Variants in DUSP10 observed in about 807,000 individuals in gnomAD.
DUSP10 encodes dual specificity phosphatase 10.
DUSP10 carries 14 observed loss-of-function variants against 30.8 expected under a neutral mutation model. The observed-to-expected ratio is 0.46, with a 90% CI of 0.30 to 0.71. The LOEUF is 0.71. DUSP10 is among the 30% of genes least tolerant of loss of function. The pLI, the probability that DUSP10 is intolerant of heterozygous loss-of-function variation, is 0.08. For missense variants in DUSP10, 550 were observed against 619.4 expected, an observed-to-expected ratio of 0.89 and a Z score of 1.19; for synonymous variants, 254 against 250.4, an observed-to-expected ratio of 1.01 and a Z score of -0.14.
Position 221,742,031 on chromosome 1 carries a change from G to T in DUSP10, c.-94C>A, listed in dbSNP as rs1661970152. On this transcript the variant is annotated 5_prime_UTR_variant, in exon 1 of 4. Coordinates refer to ENST00000366899, the MANE Select transcript of DUSP10 (RefSeq NM_007207.6). ...CATCTGGCGCTCCTCTTCAGCTATG[G>T]ACTCGCACATTCAGCCCCCATTCAC... 1 of 152,280 alleles carries T rather than the reference G, an allele frequency of 6.6e-6. No individual in the cohort carries two copies. Among genetic ancestry groups the T allele is most frequent in the Non-Finnish European group, 1.5e-5 (1 of 68,122 alleles). 9.4% of individuals were successfully genotyped at this position (152,280 alleles called of 1,614,324 possible). A position where few individuals can be genotyped will look rare whatever the true frequency, so the allele number is the denominator to read the frequency against.
rs773437797 is a variant in DUSP10, at chr1:221,706,329, T to C, written c.949A>G (p.Ile317Val). The C allele has an allele frequency of 6.2e-6, 10 of 1,612,934 alleles. No homozygotes were observed. In the South Asian group the frequency reaches 7.7e-5, roughly 12 times the overall value. ...ATGGGGGTGAGCTCAGCGTTCTCGATGTCAGGGGTGGTGGGGATGGGCTGA... is the reference window on the plus strand; with the variant it reads ...ATGGGGGTGAGCTCAGCGTTCTCGACGTCAGGGGTGGTGGGGATGGGCTGA... ...LPQPIPTTPD[I>V]ENAELTPILP... Residue 317 changes from isoleucine to valine, a missense_variant, in exon 3 of 4, where the codon ATC becomes GTC. Transcript: ENST00000366899. The surrounding 1 kb of genome is among the most constrained non-coding windows in gnomAD (Gnocchi z 4.6).
intron 3 of DUSP10, among the ~76,000 whole-genome samples, chr1:221,704,396 G>A (rs910225086): frequency 1.3e-5 from 2 of 150,584 alleles, no homozygotes; most frequent in Non-Finnish European, 2.9e-5. Flanking sequence ...AATCCTCTTA[G>A]AACAAGTATA....
At chr1:221,731,762 C>T (rs1317277099) in intron 2 of DUSP10, among the ~76,000 whole-genome samples, 2 of 151,750 alleles carry the variant, frequency 1.3e-5, no homozygotes, top group African/African-American at 2.4e-5. Flanking sequence ...GTGTGCACCA[C>T]CATGCCCAGC....
rs537452836 is a variant in DUSP10 at position 221,706,719 on chromosome 1, C to T, written c.812-253G>A. Among the ~76,000 whole-genome samples the T allele has an allele frequency of 1.3e-5, 2 of 152,184 alleles. No individual in the cohort carries two copies. The highest frequency in any genetic ancestry group is 1.3e-4 in the Admixed American group (2 of 15,286). On this transcript the variant is annotated intron_variant, in intron 2 of 3. Coordinates refer to ENST00000366899, the MANE Select transcript of DUSP10 (RefSeq NM_007207.6). This position sits in a 1 kb window ranked among gnomAD's most constrained non-coding sequence, Gnocchi z 4.6. ...ACACTTTGGAAATGTGCTCTTTCTACAAATGAGGGCATGTTCCCCTAGCAA... is the reference window on the plus strand; with the variant it reads ...ACACTTTGGAAATGTGCTCTTTCTATAAATGAGGGCATGTTCCCCTAGCAA...
chr1:221,729,123 A>G (rs918368079), intron 2 of DUSP10, among the ~76,000 whole-genome samples: 1 of 152,200 alleles, frequency 6.6e-6, no homozygotes, highest in Non-Finnish European at 1.5e-5. Flanking sequence ...GAAATACTTC[A>G]TATATGTTAG....
At chr1:221,736,594 A>C (rs1304863612) in intron 2 of DUSP10, among the ~76,000 whole-genome samples, 1 of 152,204 alleles carries the variant, frequency 6.6e-6, no homozygotes, top group Non-Finnish European at 1.5e-5. Context: ...CTTTCACCAC[A>C]GTGGTGCTAT....
chr1:221,736,399 CT>C (rs1344413835), intron 2 of DUSP10, among the ~76,000 whole-genome samples: 1 of 152,146 alleles, frequency 6.6e-6, no homozygotes, highest in Admixed American at 6.5e-5. Flanking sequence ...ACCAACTTCC[CT>C]GCAAAAATTA....
chr1:221,713,975 A>T (rs1187159585), intron 2 of DUSP10, among the ~76,000 whole-genome samples: 1 of 152,226 alleles, frequency 6.6e-6, no homozygotes, highest in Admixed American at 6.5e-5. Context: ...TTTCCAGAAT[A>T]GCCCTCCCAA....
At chr1:221,718,125 G>A (rs1234752491) in intron 2 of DUSP10, among the ~76,000 whole-genome samples, 1 of 94,398 alleles carries the variant, frequency 1.1e-5, no homozygotes, top group Non-Finnish European at 2.2e-5. Context: ...GGGGGCGGGG[G>A]CTGCAGGGGG....
Position 221,739,777 on chromosome 1 carries a change from C to T in DUSP10, c.-33G>A. The T allele has an allele frequency of 6.5e-7, 1 of 1,537,646 alleles. No individual in the cohort carries two copies. Among genetic ancestry groups the T allele is most frequent in the Non-Finnish European group, 8.7e-7 (1 of 1,144,380 alleles). ...CTGAAAACTGGCAATTCAAGAAGAA[C>T]TCAAGACAGTCTGTAAAGAAGGGGA... On this transcript the variant is annotated 5_prime_UTR_variant, in exon 2 of 4. Coordinates refer to ENST00000366899, the MANE Select transcript of DUSP10 (RefSeq NM_007207.6).
chr1:221,733,451 G>A (rs1300716692), intron 2 of DUSP10, among the ~76,000 whole-genome samples: 1 of 152,198 alleles, frequency 6.6e-6, no homozygotes, highest in African/African-American at 2.4e-5. Context: ...TCCATGACAA[G>A]CTGGATGATT....
chr1:221,722,729 T>C (rs1187933830), intron 2 of DUSP10, among the ~76,000 whole-genome samples: 1 of 152,154 alleles, frequency 6.6e-6, no homozygotes, highest in Admixed American at 6.5e-5. Flanking sequence ...TAGGAGCTGG[T>C]GACCTAAGAG....
chr1:221,730,655 A>C (rs959729070), intron 2 of DUSP10, among the ~76,000 whole-genome samples: 3 of 152,228 alleles, frequency 2.0e-5, no homozygotes, highest in Admixed American at 2.0e-4. Context: ...CCAGATTCAG[A>C]GAATAGGTAA....
intron 3 of DUSP10, among the ~76,000 whole-genome samples, chr1:221,705,447 G>A (rs910201738): frequency 6.6e-6 from 1 of 152,182 alleles, no homozygotes; most frequent in African/African-American, 2.4e-5. Context: ...GGCTATAGAA[G>A]TTGCAGAAAT....
rs1389381621 is a variant in DUSP10 at position 221,710,147 on chromosome 1, G to T, written c.812-3681C>A. Among the ~76,000 whole-genome samples the T allele has an allele frequency of 1.3e-5, 2 of 152,114 alleles. 1 individual carries two copies. Among genetic ancestry groups the T allele is most frequent in the Non-Finnish European group, 2.9e-5 (2 of 68,012 alleles). ...TTCAGGAAGCCTATGTAAAGGTTTTGATACACGACCAGGTATTCGATAAAT... is the reference window on the plus strand; with the variant it reads ...TTCAGGAAGCCTATGTAAAGGTTTTTATACACGACCAGGTATTCGATAAAT... On this transcript the variant is annotated intron_variant, in intron 2 of 3. Coordinates refer to ENST00000366899, the MANE Select transcript of DUSP10 (RefSeq NM_007207.6).
chr1:221,739,537 A>G lies in DUSP10; in HGVS notation c.208T>C (p.Ser70Pro), dbSNP rs201906952. ...GCACTGCTGCATCCACAATTCAGCG[A>G]GCGGGCAGAGCCGCTGGATGAGGGC... The part of the protein sequence containing the change: ...YMPSSSGSAR[S>P]LNCGCSSASC... The change falls in exon 2 of 4, where the codon TCG (serine) becomes CCG (proline). Residue 70 changes from serine to proline, a missense_variant. By Grantham distance (74) the Ser-to-Pro change is moderately conservative (BLOSUM62 -1). Coordinates refer to ENST00000366899, the MANE Select transcript of DUSP10 (RefSeq NM_007207.6). The G allele has an allele frequency of 2.5e-6, 4 of 1,614,152 alleles. No individual in the cohort carries two copies. In the Admixed American group the frequency reaches 6.7e-5, roughly 27 times the overall value.
chr1:221,731,909 CTATTTCTT>C (rs1661615625), intron 2 of DUSP10, among the ~76,000 whole-genome samples: 1 of 151,536 alleles, frequency 6.6e-6, no homozygotes, highest in Admixed American at 6.6e-5. Flanking sequence ...ACCCGGCTGG[CTATTTCTT>C]AAAAAAGAAA....
chr1:221,731,461 C>T (rs1661587716), intron 2 of DUSP10, among the ~76,000 whole-genome samples: 1 of 152,078 alleles, frequency 6.6e-6, no homozygotes, highest in African/African-American at 2.4e-5. Context: ...GGAGACTTGT[C>T]AGCCCTGAGC....
chr1:221,725,932 A>C (rs961990629), intron 2 of DUSP10, among the ~76,000 whole-genome samples: 2 of 152,190 alleles, frequency 1.3e-5, no homozygotes, highest in Admixed American at 1.3e-4. Context: ...CAGATCATTC[A>C]CTTCCACAAT....
Sources: allele counts gnomAD v4.1 joint callset (sites outside exome capture counted in the v4.1 genomes callset), GRCh38; gene constraint gnomAD v4.1.1; non-coding constraint Gnocchi (gnomAD v3.1); transcripts MANE v1.5; gene names NCBI Gene and HGNC (gene_info 2026-07-23, HGNC 2026-07-21).